PSME4: variants seen among roughly 807,000 people sequenced by gnomAD.
The protein encoded by PSME4 is proteasome activator subunit 4.
Under a neutral mutation model 253.9 loss-of-function variants are expected in PSME4, and 89 were observed. That is an observed-to-expected ratio of 0.35 (90% CI 0.30 to 0.42). The LOEUF (loss-of-function observed/expected upper bound fraction) is 0.42. Ranked by LOEUF, PSME4 falls within the 10% of genes least tolerant of loss-of-function variation. PSME4 has a pLI of 1.00. For synonymous variants in PSME4, 851 were observed against 759.2 expected (o/e 1.12, Z -1.99); for missense variants, 2,014 against 2,195.2 (o/e 0.92, Z 1.65).
intron 31 of PSME4, among the ~76,000 whole-genome samples, 170 bp from the exon 32 acceptor site, chr2:53,897,055 T>C (rs1371286307): frequency 1.3e-5 from 2 of 152,198 alleles, no homozygotes; most frequent in African/African-American, 2.4e-5. Context: ...GAATGAATCA[T>C]AGGCAGTTCT....
intron 35 of PSME4, 43 bp downstream of exon 35, chr2:53,893,631 G>C: frequency 6.3e-7 from 1 of 1,594,450 alleles, no homozygotes; most frequent in Non-Finnish European, 8.5e-7. Context: ...GAACTGAATA[G>C]TTACTAAGCA....
rs761905865 is a variant in PSME4, at chr2:53,937,537, A to G, written c.549T>C (p.Tyr183=). ...LKTLVKSCRP[Y]FPADATAEML... ...TCTCAGCGGTGGCATCTGCTGGAAA[A>G]TATCTAATAAAAAAAGAAGGTTTTC... The change falls in exon 5 of 47, where the codon TAT becomes TAC. Residue 183 remains tyrosine (Y), a synonymous_variant. Transcript: ENST00000404125. 7.5e-6 allele frequency: 12 copies of G among 1,609,866 alleles called. No individual in the cohort carries two copies. The highest frequency in any genetic ancestry group is 9.3e-6 in the Non-Finnish European group (11 of 1,178,906).
intron 28 of PSME4, among the ~76,000 whole-genome samples, chr2:53,900,585 G>C (rs773937652): frequency 6.6e-6 from 1 of 152,058 alleles, no homozygotes; most frequent in Non-Finnish European, 1.5e-5. Flanking sequence ...TAGTTACACA[G>C]CCCTGTGAAT....
At chr2:53,915,350 G>T (rs911763064) in intron 20 of PSME4, among the ~76,000 whole-genome samples, 7 of 152,088 alleles carry the variant, frequency 4.6e-5, no homozygotes, top group African/African-American at 1.7e-4. Flanking sequence ...TGAAGTGGGA[G>T]GATCACTTGA....
At chr2:53,956,538 AAATAAT>A (rs1049150030) in intron 1 of PSME4, among the ~76,000 whole-genome samples, 4 of 151,972 alleles carry the variant, frequency 2.6e-5, no homozygotes, top group African/African-American at 9.7e-5. Flanking sequence ...CAAAAAATAA[AAATAAT>A]AATAATTTAA....
intron 4 of PSME4, among the ~76,000 whole-genome samples, chr2:53,939,390 T>G (rs1162871262): frequency 6.6e-6 from 1 of 152,048 alleles, no homozygotes; most frequent in East Asian, 1.9e-4. Context: ...ACCAAAAAAA[T>G]TAAAATTAAA....
chr2:53,908,653 A>T, intron 22 of PSME4, 88 bp from the exon 23 acceptor site: 1 of 1,482,292 alleles, frequency 6.7e-7, no homozygotes. Context: ...TCTATTAAGA[A>T]AAAAAATCAC....
rs767669465 is a variant in PSME4, at chr2:53,936,733, G to C, written c.759+31C>G. On this transcript the variant is annotated intron_variant, in intron 6 of 46. Transcript: ENST00000404125. ...GGGAAAAAAGAAAAAAAAAACTATAGGGGGGAAGAAAGGGAAAAAGGGATA... is the reference window on the plus strand; with the variant it reads ...GGGAAAAAAGAAAAAAAAAACTATACGGGGGAAGAAAGGGAAAAAGGGATA... 4.1e-6 allele frequency: 6 copies of C among 1,456,412 alleles called. No individual in the cohort carries two copies. In the African/African-American group the frequency reaches 5.9e-5, roughly 14 times the overall value. The allele number at this position is 1,456,412 out of a possible 1,614,324, so 90.2% of individuals were successfully genotyped here.
intron 1 of PSME4, among the ~76,000 whole-genome samples, chr2:53,960,398 CAAAAAAAA>C (rs1355944056): frequency 3.6e-5 from 2 of 55,270 alleles, no homozygotes; most frequent in South Asian, 1.3e-3. Flanking sequence ...GACTCCATCT[CAAAAAAAA>C]AAAAAAAAAA....
chr2:53,912,138 G>C (rs1178518948), intron 20 of PSME4, among the ~76,000 whole-genome samples: 2 of 152,162 alleles, frequency 1.3e-5, no homozygotes, highest in Non-Finnish European at 2.9e-5. Context: ...CAACACAGGT[G>C]TGGGTCTACT....
chr2:53,872,798 C>T (rs1285787189), intron 43 of PSME4, among the ~76,000 whole-genome samples: 2 of 140,398 alleles, frequency 1.4e-5, no homozygotes, highest in Non-Finnish European at 3.1e-5. Flanking sequence ...CTAAAAGAAG[C>T]TCCTAAATGC....
chr2:53,951,669 T>C (rs1216252061), intron 1 of PSME4, among the ~76,000 whole-genome samples: 1 of 152,318 alleles, frequency 6.6e-6, no homozygotes, highest in African/African-American at 2.4e-5. Flanking sequence ...CCAAAACTTT[T>C]TGAGCAACAA....
Position 53,967,649 on chromosome 2 carries a change from C to CAAAAAAAAAAAAAAAAAAAA in PSME4, c.242+2874_242+2893dup, listed in dbSNP as rs71408747. On this transcript the variant is annotated intron_variant, in intron 1 of 46. Transcript: ENST00000404125. ...TCTGGGCAACAGAGTGAGATTGTCT[C>CAAAAAAAAAAAAAAAAAAAA]AAAAAAAAAAAAAAAAAAAAAAAAA... 4.6e-4 allele frequency among the ~76,000 whole-genome samples: 10 copies of CAAAAAAAAAAAAAAAAAAAA among 21,560 alleles called. 1 individual carries two copies. The highest frequency in any genetic ancestry group is 9.4e-4 in the African/African-American group (5 of 5,328). 14.1% of individuals were successfully genotyped at this position (21,560 alleles called of 152,430 possible).
Position 53,895,000 on chromosome 2 carries a change from T to C in PSME4, c.3912+7A>G. 3.1e-6 allele frequency: 5 copies of C among 1,606,226 alleles called. No homozygotes were observed. Among genetic ancestry groups the C allele is most frequent in the Non-Finnish European group, 4.2e-6 (5 of 1,178,022 alleles). On this transcript the variant is annotated splice_region_variant and intron_variant, in intron 34 of 46. Transcript: ENST00000404125. The stretch of plus-strand genomic sequence containing the variant: ...GCATTTGAACCATGGTGAAATGGAA[T>C]GCTTACCTCTGTCATATCCTCCCTG...
chr2:53,898,500 G>A (rs1680243744), intron 29 of PSME4, 146 bp from the exon 30 acceptor site: 2 of 603,546 alleles, frequency 3.3e-6, no homozygotes, highest in South Asian at 2.7e-5. Flanking sequence ...TGAGAAGCAA[G>A]CCAGAATGAA....
At chr2:53,940,952 C>CATATTTTTATATATATAT (rs61078234) in intron 3 of PSME4, among the ~76,000 whole-genome samples, 2 of 24,030 alleles carry the variant, frequency 8.3e-5, no homozygotes, top group African/African-American at 3.2e-4. Context: ...TATATATATA[C>CATATTTTTATATATATAT]ATATATATAT....
intron 1 of PSME4, among the ~76,000 whole-genome samples, chr2:53,951,363 T>A (rs1355109368): frequency 6.6e-6 from 1 of 152,262 alleles, no homozygotes; most frequent in East Asian, 1.9e-4. Context: ...ATTATAGGCG[T>A]GAGCCACTGC....
chr2:53,908,783 C>T lies in PSME4; in HGVS notation c.2629+1G>A. 6.3e-7 allele frequency: 1 copy of T among 1,592,350 alleles called. No homozygotes were observed. Among genetic ancestry groups the T allele is most frequent in the Non-Finnish European group, 8.6e-7 (1 of 1,164,258 alleles). ...TAAGTTAAATGTACAGATACACTTA[C>T]TAAGAAGTTTCCTTATAACTGTAGC... On this transcript the variant is annotated splice_donor_variant, in intron 22 of 46. Transcript: ENST00000404125. LOFTEE classifies it high-confidence loss of function.
intron 41 of PSME4, among the ~76,000 whole-genome samples, chr2:53,878,811 G>A (rs370731626): frequency 2.0e-5 from 3 of 152,194 alleles, no homozygotes; most frequent in East Asian, 1.9e-4. Context: ...ATGTGTGCCC[G>A]AAACTTAATT....
Sources: allele counts gnomAD v4.1 joint callset (sites outside exome capture counted in the v4.1 genomes callset), GRCh38; gene constraint gnomAD v4.1.1; transcripts MANE v1.5; gene names NCBI Gene and HGNC (gene_info 2026-07-23, HGNC 2026-07-21).